SOX5: variants seen among roughly 807,000 people sequenced by gnomAD.
SOX5 encodes transcription factor SOX-5.
Under a neutral mutation model 92.0 loss-of-function variants are expected in SOX5, and 9 were observed. That is an observed-to-expected ratio of 0.10 (90% CI 0.06 to 0.17). The LOEUF (loss-of-function observed/expected upper bound fraction) is 0.17, where lower values mean the gene tolerates loss of function less well. SOX5 is among the 10% of genes least tolerant of loss of function. The pLI is 1.00. For missense variants in SOX5, 642 were observed against 944.5 expected (o/e 0.68, Z 4.20); for synonymous variants, 344 against 336.3 (o/e 1.02, Z -0.25).
chr12:23,558,505 C>T (rs1380793066), intron 11 of SOX5, among the ~76,000 whole-genome samples: 1 of 152,186 alleles, frequency 6.6e-6, no homozygotes, highest in East Asian at 1.9e-4. Context: ...AGGGAAAAGA[C>T]AAGAGAATCA....
At chr12:24,283,651 G>T (rs1188535451) in intron 2 of SOX5, among the ~76,000 whole-genome samples, 1 of 152,174 alleles carries the variant, frequency 6.6e-6, no homozygotes, top group African/African-American at 2.4e-5. Context: ...ATTCCAACAC[G>T]ATAGCGATAT....
chr12:24,151,868 T>A (rs564071344), intron 4 of SOX5, among the ~76,000 whole-genome samples: 107 of 151,922 alleles, frequency 7.0e-4, no homozygotes, highest in African/African-American at 1.9e-3. Flanking sequence ...AGTAAAAAAA[T>A]AAATAAATAA....
rs1306699676 is a variant in SOX5 at position 23,600,511 on chromosome 12, CG to C, written c.1164+3875del. ...CAGTCTTTGGCAAGATAGACCATGG[CG>C]GGGGGGGTGCATATATATATATATA... On this transcript the variant is annotated intron_variant, in intron 9 of 14. Coordinates refer to ENST00000451604, the MANE Select transcript of SOX5 (RefSeq NM_006940.6). Among the ~76,000 whole-genome samples, 29 of 34,402 alleles carry C rather than the reference CG, an allele frequency of 8.4e-4. 1 individual carries two copies. Among genetic ancestry groups the C allele is most frequent in the East Asian group, 6.0e-3 (11 of 1,832 alleles). The allele number at this position is 34,402 out of a possible 152,430, so 22.6% of individuals were successfully genotyped here. A position where few individuals can be genotyped will look rare whatever the true frequency, so the allele number is the denominator to read the frequency against.
intron 3 of SOX5, among the ~76,000 whole-genome samples, chr12:23,798,599 C>CA (rs57605234): frequency 0.026 from 3,198 of 124,174 alleles, 44 homozygotes; most frequent in South Asian, 0.055. Context: ...GCAAAAGAAC[C>CA]AAAAAAAAAA....
chr12:23,551,930 T>C (rs1327342092), intron 11 of SOX5, among the ~76,000 whole-genome samples: 1 of 151,924 alleles, frequency 6.6e-6, no homozygotes, highest in Non-Finnish European at 1.5e-5. Flanking sequence ...TAGGTTAGTT[T>C]CATCAGGCAA....
intron 3 of SOX5, among the ~76,000 whole-genome samples, chr12:24,242,672 C>G (rs1275569225): frequency 8.1e-6 from 1 of 123,312 alleles, no homozygotes; most frequent in African/African-American, 3.1e-5. Flanking sequence ...CCAACTGATA[C>G]AATTTTAAAA....
At position 24,351,883 on chromosome 12, in the gene SOX5, T is replaced by C. The variant is rs548922868; in HGVS notation, c.-174+16680A>G. On this transcript the variant is annotated intron_variant, in intron 2 of 4. Transcript: ENST00000446891. Reference sequence around the variant, plus strand: ...TTAACTATCTTTGATTTCTCACCTGTTACCATGGTTATTTTCAGTGATCCA... The same window carrying C: ...TTAACTATCTTTGATTTCTCACCTGCTACCATGGTTATTTTCAGTGATCCA... Among the ~76,000 whole-genome samples the C allele has an allele frequency of 4.6e-5, 7 of 152,380 alleles. No homozygotes were observed. The South Asian group carries it at 1.2e-3, about 27-fold the overall frequency.
intron 4 of SOX5, among the ~76,000 whole-genome samples, chr12:24,047,991 T>C (rs555718776): frequency 3.9e-5 from 6 of 152,292 alleles, no homozygotes; most frequent in Non-Finnish European, 7.4e-5. Flanking sequence ...GCCAAGAAGG[T>C]TCTCAGGTGA....
intron 1 of SOX5, among the ~76,000 whole-genome samples, chr12:24,416,356 G>A (rs1377212071): frequency 6.6e-6 from 1 of 152,150 alleles, no homozygotes; most frequent in East Asian, 1.9e-4. Flanking sequence ...GTTATATCCA[G>A]CCACTTCCTC....
At chr12:23,810,243 T>C (rs1271419799) in intron 3 of SOX5, among the ~76,000 whole-genome samples, 1 of 152,128 alleles carries the variant, frequency 6.6e-6, no homozygotes, top group Non-Finnish European at 1.5e-5. Context: ...CGACAGAATA[T>C]AGATAAGTGT....
chr12:24,222,199 T>C (rs2139809640), intron 3 of SOX5, among the ~76,000 whole-genome samples: 1 of 152,322 alleles, frequency 6.6e-6, no homozygotes, highest in African/African-American at 2.4e-5. Flanking sequence ...TTAGTGTCTC[T>C]AAACTGGGCC....
At chr12:24,081,468 A>C (rs1943321797) in intron 4 of SOX5, among the ~76,000 whole-genome samples, 1 of 151,954 alleles carries the variant, frequency 6.6e-6, no homozygotes, top group East Asian at 1.9e-4. Flanking sequence ...AGTAGCTGTA[A>C]ATGGAGCTAC....
intron 12 of SOX5, among the ~76,000 whole-genome samples, chr12:23,544,177 C>T (rs1038738965): frequency 4.6e-5 from 7 of 152,170 alleles, no homozygotes; most frequent in African/African-American, 1.7e-4. Flanking sequence ...ACATTTCAAT[C>T]AGTAAGATTC....
At chr12:23,713,617 T>C (rs2092249674) in intron 6 of SOX5, among the ~76,000 whole-genome samples, 1 of 151,082 alleles carries the variant, frequency 6.6e-6, no homozygotes, top group Non-Finnish European at 1.5e-5. Context: ...CCACTATTAA[T>C]ATAAGGGAAA....
At chr12:23,594,326 A>G (rs547110858) in intron 9 of SOX5, among the ~76,000 whole-genome samples, 2 of 151,922 alleles carry the variant, frequency 1.3e-5, no homozygotes, top group African/African-American at 4.8e-5. Context: ...CACTTTATAC[A>G]CTGTGCTACG....
intron 1 of SOX5, among the ~76,000 whole-genome samples, chr12:24,515,181 C>T (rs951424798): frequency 6.6e-6 from 1 of 152,134 alleles, no homozygotes; most frequent in Non-Finnish European, 1.5e-5. Flanking sequence ...AGTGTGGGTT[C>T]TGATTTCAGA....
At chr12:24,516,354 G>A (rs1325680770) in intron 1 of SOX5, among the ~76,000 whole-genome samples, 1 of 152,074 alleles carries the variant, frequency 6.6e-6, no homozygotes, top group Non-Finnish European at 1.5e-5. Flanking sequence ...AGCCAACCAT[G>A]TCAGTTTTTA....
intron 2 of SOX5, among the ~76,000 whole-genome samples, chr12:24,313,124 AAGTGTGTATTTGCTGCCCCT>A (rs541392552): frequency 2.9e-4 from 44 of 152,252 alleles, no homozygotes; most frequent in Admixed American, 2.1e-3. Flanking sequence ...TACTACTTTG[AAGTGTGTATTTGCTGCCCCT>A]TCTGCCTTGA....
At chr12:24,117,552 A>G (rs1244790357) in intron 4 of SOX5, among the ~76,000 whole-genome samples, 1 of 152,220 alleles carries the variant, frequency 6.6e-6, no homozygotes, top group Non-Finnish European at 1.5e-5. Context: ...AGAAGCCAAC[A>G]TATGAAAGCA....
Sources: allele counts gnomAD v4.1 joint callset (sites outside exome capture counted in the v4.1 genomes callset), GRCh38; gene constraint gnomAD v4.1.1; transcripts MANE v1.5; gene names NCBI Gene and HGNC (gene_info 2026-07-23, HGNC 2026-07-21).